The following ARSG variants were observed in gnomAD, a reference collection of about 807,000 sequenced individuals.
ARSG encodes the protein arylsulfatase G, also known as ASG.
A neutral mutation model predicts 50.5 loss-of-function variants in ARSG; 37 were observed. The ratio of observed to expected loss-of-function variants is 0.73; its 90% confidence interval spans 0.56 to 0.96. The LOEUF (loss-of-function observed/expected upper bound fraction) is 0.96. ARSG is among the 50% of genes least tolerant of loss of function. ARSG has a pLI of 0.00. For missense variants in ARSG, 629 were observed against 675.3 expected (o/e 0.93, Z 0.76); for synonymous variants, 225 against 254.6 (o/e 0.88, Z 1.11).
intron 2 of ARSG, among the ~76,000 whole-genome samples, chr17:68,337,912 C>T (rs994340088): frequency 6.6e-5 from 10 of 152,032 alleles, no homozygotes; most frequent in African/African-American, 2.2e-4. Context: ...CCACTGCGCC[C>T]GGCCAGCAGA....
intron 11 of ARSG, among the ~76,000 whole-genome samples, chr17:68,412,197 T>TG (rs2082041119): frequency 6.6e-6 from 1 of 152,248 alleles, no homozygotes; most frequent in African/African-American, 2.4e-5. Flanking sequence ...CGTTAGTTGA[T>TG]GCAGTTTCTT....
the ARSG span, among the ~76,000 whole-genome samples, chr17:68,441,705 G>A: frequency 6.6e-6 from 1 of 152,140 alleles, no homozygotes; most frequent in Admixed American, 6.6e-5. Flanking sequence ...ACCCACCTTT[G>A]CCCACCCAGG....
At chr17:68,374,512 A>G (rs1213966258) in intron 8 of ARSG, among the ~76,000 whole-genome samples, 1 of 152,160 alleles carries the variant, frequency 6.6e-6, no homozygotes, top group African/African-American at 2.4e-5. Context: ...GTCAGGCTTA[A>G]GGATGTGGAC....
At chr17:68,360,874 G>T (rs1187698192) in intron 6 of ARSG, among the ~76,000 whole-genome samples, 1 of 152,114 alleles carries the variant, frequency 6.6e-6, no homozygotes, top group Non-Finnish European at 1.5e-5. Flanking sequence ...ACCCAGACTG[G>T]AGTGCAGTGT....
intron 8 of ARSG, among the ~76,000 whole-genome samples, chr17:68,373,982 C>G (rs948409925): frequency 6.6e-6 from 1 of 151,702 alleles, no homozygotes; most frequent in Non-Finnish European, 1.5e-5. Flanking sequence ...ACGGTGAAAC[C>G]CCGTCTCTAC....
chr17:68,294,935 G>A (rs2076153307), intron 1 of ARSG, among the ~76,000 whole-genome samples: 1 of 152,120 alleles, frequency 6.6e-6, no homozygotes, highest in East Asian at 1.9e-4. Context: ...GATTTGCCAA[G>A]GGGTTCTGAG....
At chr17:68,348,537 C>G (rs199975456) in intron 4 of ARSG, among the ~76,000 whole-genome samples, 3 of 152,192 alleles carry the variant, frequency 2.0e-5, no homozygotes, top group South Asian at 2.1e-4. Context: ...ACTCCTTTTC[C>G]CTCCTGCCTC....
Position 68,385,088 on chromosome 17 carries a change from C to T in ARSG, c.1007C>T (p.Thr336Ile), listed in dbSNP as rs1366318940. The T allele has an allele frequency of 6.2e-7, 1 of 1,613,958 alleles. No individual in the cohort carries two copies. Among genetic ancestry groups the T allele is most frequent in the East Asian group, 2.2e-5 (1 of 44,878 alleles). The change falls in exon 9 of 12, where the codon ACC becomes ATC. Residue 336 changes from threonine to isoleucine, a missense_variant. Transcript: ENST00000621439. The part of the protein sequence containing the change: ...RQGGSPAKQT[T>I]WEGGHRVPAL... Reference sequence around the variant, plus strand: ...GGGGGAAGTCCAGCCAAGCAGACGACCTGGGAAGGAGGGCACCGGGTCCCA... The same window carrying T: ...GGGGGAAGTCCAGCCAAGCAGACGATCTGGGAAGGAGGGCACCGGGTCCCA...
the ARSG span, among the ~76,000 whole-genome samples, chr17:68,437,948 TAAA>T: frequency 5.1e-5 from 4 of 78,800 alleles, no homozygotes; most frequent in African/African-American, 1.4e-4. Context: ...ACATCTCTCT[TAAA>T]AAAAAAAAAA....
chr17:68,267,123 C>A (rs15673), intron 1 of ARSG: 1 of 152,100 alleles, frequency 6.6e-6, no homozygotes, highest in Non-Finnish European at 1.5e-5. Context: ...GTATTTTCTT[C>A]CAAACATTTA....
intron 1 of ARSG, among the ~76,000 whole-genome samples, chr17:68,302,467 G>A (rs2145491021): frequency 6.6e-6 from 1 of 152,356 alleles, no homozygotes; most frequent in Admixed American, 6.5e-5. Context: ...ACGAGGGTCA[G>A]GTGATGAAGT....
intron 8 of ARSG, among the ~76,000 whole-genome samples, chr17:68,372,705 T>C (rs914791686): frequency 1.3e-5 from 2 of 152,068 alleles, no homozygotes; most frequent in Non-Finnish European, 2.9e-5. Context: ...AGCCAAACCG[T>C]ATCAGGCTGT....
rs114679508 is a variant in ARSG at position 68,392,843 on chromosome 17, C to T, written c.1092-2230C>T. 4.3e-3 allele frequency among the ~76,000 whole-genome samples: 657 copies of T among 152,298 alleles called. 7 individuals are homozygous for T. The highest frequency in any genetic ancestry group is 0.015 in the African/African-American group (623 of 41,572). On this transcript the variant is annotated intron_variant, in intron 9 of 11. Transcript: ENST00000621439. ...TGGACTAAAAGAGCTAAAATAAAGC[C>T]GGTGGAATGTTCCACATATCATGGC...
At chr17:68,350,970 G>C (rs891124454) in intron 4 of ARSG, among the ~76,000 whole-genome samples, 3 of 152,018 alleles carry the variant, frequency 2.0e-5, no homozygotes, top group Admixed American at 2.0e-4. Context: ...TCAGCCTTTT[G>C]AGTCCCAGCT....
chr17:68,410,801 T>A (rs1288982426), intron 11 of ARSG, among the ~76,000 whole-genome samples: 1 of 152,120 alleles, frequency 6.6e-6, no homozygotes, highest in African/African-American at 2.4e-5. Context: ...CAATTTCAGA[T>A]CCTGTTATTG....
intron 1 of ARSG, among the ~76,000 whole-genome samples, chr17:68,301,628 C>T (rs1428591610): frequency 2.6e-5 from 4 of 152,248 alleles, no homozygotes; most frequent in Non-Finnish European, 4.4e-5. Flanking sequence ...GTATTCTCAA[C>T]AGGGCAGGGA....
At chr17:68,431,275 T>C in the ARSG span, among the ~76,000 whole-genome samples, 8 of 152,176 alleles carry the variant, frequency 5.3e-5, 1 homozygote, top group South Asian at 1.7e-3. Flanking sequence ...CCTTAACGTT[T>C]CCGTGTCCAG....
the ARSG span, among the ~76,000 whole-genome samples, chr17:68,447,052 C>A: frequency 6.6e-6 from 1 of 152,216 alleles, no homozygotes; most frequent in African/African-American, 2.4e-5. Context: ...GCCTTCAACT[C>A]AGCTCCTTGT....
At chr17:68,430,221 A>G in the ARSG span, 5 of 1,531,692 alleles carry the variant, frequency 3.3e-6, no homozygotes, top group Non-Finnish European at 4.4e-6. Context: ...GCACCCAGGA[A>G]TCTCCACACC....
Sources: allele counts gnomAD v4.1 joint callset (sites outside exome capture counted in the v4.1 genomes callset), GRCh38; gene constraint gnomAD v4.1.1; transcripts MANE v1.5; gene names NCBI Gene and HGNC (gene_info 2026-07-23, HGNC 2026-07-21).